Variants in SWT1 observed in about 807,000 individuals in gnomAD.
SWT1 encodes transcriptional protein SWT1.
In SWT1, 33 loss-of-function variants were observed where a neutral mutation model predicts 107.3. That is an observed-to-expected ratio of 0.31 (90% confidence interval 0.23 to 0.41). The LOEUF (loss-of-function observed/expected upper bound fraction) is 0.41, where lower values mean the gene tolerates loss of function less well. Among genes scored for constraint, SWT1 ranks in the 10% least tolerant of loss-of-function variants. The probability of loss-of-function intolerance (pLI) is 1.00; values close to 1 mark genes in which losing one functional copy is unlikely to be tolerated. For missense variants in SWT1, 898 were observed against 1,028.9 expected, an observed-to-expected ratio of 0.87 and a Z score of 1.74; for synonymous variants, 345 against 348.3, an observed-to-expected ratio of 0.99 and a Z score of 0.11.
At chr1:185,236,942 C>G (rs1388830504) in intron 16 of SWT1, among the ~76,000 whole-genome samples, 1 of 152,004 alleles carries the variant, frequency 6.6e-6, no homozygotes, top group Non-Finnish European at 1.5e-5. Flanking sequence ...TTTATGCAGC[C>G]AACAAACATG....
chr1:185,166,551 T>C, intron 2 of SWT1, 21 bp from the exon 3 acceptor site: 1 of 1,510,844 alleles, frequency 6.6e-7, no homozygotes, highest in Non-Finnish European at 9.1e-7. Context: ...TTAAAATTCA[T>C]TTTCTTTATT....
chr1:185,202,872 C>A, intron 11 of SWT1, 73 bp downstream of exon 11: 1 of 827,414 alleles, frequency 1.2e-6, no homozygotes, highest in Non-Finnish European at 1.7e-6. Context: ...ACATTAGAAT[C>A]GATAGTAAAT....
chr1:185,212,732 G>T (rs1389856121), intron 13 of SWT1, among the ~76,000 whole-genome samples: 1 of 151,892 alleles, frequency 6.6e-6, no homozygotes. Context: ...GAACCCGGGA[G>T]GTGGAGGTTG....
chr1:185,258,204 T>A (rs570574605), intron 16 of SWT1, among the ~76,000 whole-genome samples: 1 of 152,208 alleles, frequency 6.6e-6, no homozygotes, highest in Non-Finnish European at 1.5e-5. Context: ...ATTTATAAAG[T>A]CTGAAGTGTC....
chr1:185,211,972 T>C (rs1339514571), intron 13 of SWT1, among the ~76,000 whole-genome samples: 2 of 151,516 alleles, frequency 1.3e-5, no homozygotes, highest in African/African-American at 4.9e-5. Context: ...AACCAAACAC[T>C]ACATGTTCTC....
chr1:185,286,246 C>T (rs1664937279), intron 18 of SWT1, among the ~76,000 whole-genome samples: 1 of 151,966 alleles, frequency 6.6e-6, no homozygotes, highest in African/African-American at 2.4e-5. Flanking sequence ...GTTTTTGAGA[C>T]AGAGTCTCAC....
At chr1:185,190,815 A>G (rs974979816) in intron 10 of SWT1, among the ~76,000 whole-genome samples, 173 bp downstream of exon 10, 6 of 152,156 alleles carry the variant, frequency 3.9e-5, no homozygotes, top group African/African-American at 1.2e-4. Context: ...CACTAGAGGA[A>G]TGAGATCTCA....
intron 18 of SWT1, among the ~76,000 whole-genome samples, chr1:185,277,874 T>G (rs962488100): frequency 1.3e-5 from 2 of 152,232 alleles, no homozygotes; most frequent in Non-Finnish European, 2.9e-5. Flanking sequence ...ATTTTGCTGA[T>G]TTTTGAACTT....
intron 18 of SWT1, among the ~76,000 whole-genome samples, chr1:185,278,350 T>C (rs1664389056): frequency 6.6e-6 from 1 of 152,206 alleles, no homozygotes; most frequent in Non-Finnish European, 1.5e-5. Context: ...AGGCACCATC[T>C]GTGAGGAAGA....
chr1:185,219,116 G>T (rs1032832521), intron 14 of SWT1, among the ~76,000 whole-genome samples: 3 of 152,140 alleles, frequency 2.0e-5, no homozygotes, highest in Non-Finnish European at 4.4e-5. Context: ...AGAATTTAAG[G>T]TAAACAGACA....
intron 16 of SWT1, among the ~76,000 whole-genome samples, chr1:185,256,911 T>C (rs1218560732): frequency 6.6e-6 from 1 of 152,116 alleles, no homozygotes; most frequent in Non-Finnish European, 1.5e-5. Flanking sequence ...TCTTTGTGGT[T>C]TTATTTACTT....
intron 16 of SWT1, among the ~76,000 whole-genome samples, chr1:185,248,941 A>G (rs760444082): frequency 2.6e-5 from 4 of 152,090 alleles, no homozygotes; most frequent in Non-Finnish European, 5.9e-5. Context: ...ATAACAAATC[A>G]CCCCAAAACT....
chr1:185,245,624 G>A lies in SWT1; in HGVS notation c.2441+13916G>A, dbSNP rs192861603. Among the ~76,000 whole-genome samples, 735 of 152,258 alleles carry A rather than the reference G, an allele frequency of 4.8e-3. 6 individuals carry two copies. The highest frequency in any genetic ancestry group is 0.017 in the African/African-American group (695 of 41,544). ...CTTAATTGTATGTGCTATACTTTTA[G>A]AGGACTGGCACTGCAGTAGGTTTAT... On this transcript the variant is annotated intron_variant, in intron 16 of 18. Transcript: ENST00000367500.
At chr1:185,211,408 A>T (rs573588866) in intron 13 of SWT1, among the ~76,000 whole-genome samples, 1 of 151,998 alleles carries the variant, frequency 6.6e-6, no homozygotes, top group Non-Finnish European at 1.5e-5. Context: ...AACCATCCAA[A>T]TATCTATTTT....
chr1:185,190,099 C>T (rs1039148493), intron 9 of SWT1, among the ~76,000 whole-genome samples: 2 of 152,104 alleles, frequency 1.3e-5, no homozygotes, highest in East Asian at 1.9e-4. Flanking sequence ...CTGCACACCT[C>T]GGCCTCCCAA....
chr1:185,228,865 A>G lies in SWT1; in HGVS notation c.2310-2712A>G, dbSNP rs561553388. On this transcript the variant is annotated intron_variant, in intron 15 of 18. Transcript: ENST00000367500. ...TTACAGGAAAAGCGTTTCAGATAGA[A>G]GAATAGAAATTACAAAGAGCTTGAA... Among the ~76,000 whole-genome samples, 8 of 152,316 alleles carry G rather than the reference A, an allele frequency of 5.3e-5. No individual in the cohort carries two copies. In the South Asian group the frequency reaches 1.7e-3, roughly 32 times the overall value.
chr1:185,176,663 T>G, intron 5 of SWT1: 1 of 985,384 alleles, frequency 1.0e-6, no homozygotes, highest in Non-Finnish European at 1.2e-6. Context: ...ACAGGGATGG[T>G]TAAGCCTACC....
intron 16 of SWT1, among the ~76,000 whole-genome samples, chr1:185,255,108 C>T (rs1172919857): frequency 6.6e-6 from 1 of 152,018 alleles, no homozygotes; most frequent in Non-Finnish European, 1.5e-5. Context: ...GTTTCTTAAT[C>T]CTGAGTTCTA....
chr1:185,283,222 G>A (rs1664745456), intron 18 of SWT1, among the ~76,000 whole-genome samples: 1 of 152,182 alleles, frequency 6.6e-6, no homozygotes, highest in Non-Finnish European at 1.5e-5. Context: ...TTGATGAAAA[G>A]TGAATTCCAT....
Sources: allele counts gnomAD v4.1 joint callset (sites outside exome capture counted in the v4.1 genomes callset), GRCh38; gene constraint gnomAD v4.1.1; transcripts MANE v1.5; gene names NCBI Gene and HGNC (gene_info 2026-07-23, HGNC 2026-07-21).